The following CEP70 variants were observed in gnomAD, a reference collection of about 807,000 sequenced individuals.
CEP70 encodes the protein centrosomal protein 70.
In CEP70, 70 loss-of-function variants were observed where a neutral mutation model predicts 90.9. The observed-to-expected ratio is 0.77, with a 90% CI of 0.64 to 0.94. CEP70 has a LOEUF of 0.94. Ranked by LOEUF, CEP70 falls within the 40% of genes least tolerant of loss-of-function variation. CEP70 has a pLI of 0.00. For synonymous variants in CEP70, 220 were observed against 228.3 expected (o/e 0.96, Z 0.33); for missense variants, 648 against 669.0 (o/e 0.97, Z 0.35).
chr3:138,499,445 A>G (rs1037371280), intron 16 of CEP70, among the ~76,000 whole-genome samples: 1 of 152,220 alleles, frequency 6.6e-6, no homozygotes, highest in Non-Finnish European at 1.5e-5. Context: ...GAACTTATTG[A>G]TATAATCAGA....
chr3:138,578,236 T>C (rs1398577477), intron 2 of CEP70, among the ~76,000 whole-genome samples: 13 of 152,142 alleles, frequency 8.5e-5, no homozygotes, highest in Admixed American at 8.5e-4. Context: ...GGTGAAAAGT[T>C]ATTCTCACGA....
At chr3:138,544,033 A>C (rs979444555) in intron 6 of CEP70, among the ~76,000 whole-genome samples, 1 of 152,304 alleles carries the variant, frequency 6.6e-6, no homozygotes, top group African/African-American at 2.4e-5. Flanking sequence ...TCATGCCTGT[A>C]ATCTCCACAC....
At chr3:138,518,102 G>C (rs140105795) in intron 11 of CEP70, among the ~76,000 whole-genome samples, 97 of 152,332 alleles carry the variant, frequency 6.4e-4, no homozygotes, top group African/African-American at 2.3e-3. Context: ...AGAAGTCTGA[G>C]ATCAAACTGC....
At position 138,517,854 on chromosome 3, in the gene CEP70, G is replaced by A. The variant is rs186003178; in HGVS notation, c.944+7636C>T. Among the ~76,000 whole-genome samples, 594 of 152,264 alleles carry A rather than the reference G, an allele frequency of 3.9e-3. 3 individuals are homozygous for A. The highest frequency in any genetic ancestry group is 0.014 in the African/African-American group (569 of 41,532). On this transcript the variant is annotated intron_variant, in intron 11 of 17. Coordinates refer to ENST00000264982, the MANE Select transcript of CEP70 (RefSeq NM_024491.4). ...GTGGGTGCAGGACAGTGGGTGCAGC[G>A]CACCGAGCGTGAGCCGAAGCAGGGC...
intron 11 of CEP70, among the ~76,000 whole-genome samples, chr3:138,523,342 C>T (rs918039965): frequency 2.2e-4 from 34 of 152,150 alleles, no homozygotes; most frequent in Non-Finnish European, 3.8e-4. Context: ...TCTCACCACT[C>T]CTATTCAACA....
intron 6 of CEP70, among the ~76,000 whole-genome samples, chr3:138,559,620 G>A (rs2040254391): frequency 6.6e-6 from 1 of 152,150 alleles, no homozygotes; most frequent in African/African-American, 2.4e-5. Context: ...AGCTACTCAG[G>A]TGACTGAGGT....
In CEP70 at chr3:138,515,031, G is replaced by A. The variant is rs554452259; in HGVS notation, c.945-6487C>T. 3.3e-5 allele frequency among the ~76,000 whole-genome samples: 5 copies of A among 152,140 alleles called. No individual in the cohort carries two copies. The East Asian group carries it at 7.7e-4, about 23-fold the overall frequency. Reference sequence around the variant, plus strand: ...TAAAGGACAATAATAAAAGTCACTCGAAAGACCGGAGCCCAAATAAACAAC... The same window carrying A: ...TAAAGGACAATAATAAAAGTCACTCAAAAGACCGGAGCCCAAATAAACAAC... On this transcript the variant is annotated intron_variant, in intron 11 of 17. Coordinates refer to ENST00000264982, the MANE Select transcript of CEP70 (RefSeq NM_024491.4).
intron 6 of CEP70, among the ~76,000 whole-genome samples, chr3:138,551,210 T>C (rs982807164): frequency 3.9e-5 from 6 of 152,234 alleles, no homozygotes; most frequent in Non-Finnish European, 7.3e-5. Context: ...TGGAGCCGTA[T>C]ATTTAGCCTC....
intron 11 of CEP70, among the ~76,000 whole-genome samples, chr3:138,514,886 C>T (rs2035862900): frequency 6.6e-6 from 1 of 152,012 alleles, no homozygotes; most frequent in Non-Finnish European, 1.5e-5. Context: ...ATAACACTCC[C>T]AAATTTGTTT....
chr3:138,528,853 G>C (rs895251040), intron 10 of CEP70, among the ~76,000 whole-genome samples: 1 of 152,110 alleles, frequency 6.6e-6, no homozygotes, highest in Non-Finnish European at 1.5e-5. Context: ...ATAGCCAGCC[G>C]TCGTGGTGTG....
chr3:138,518,738 A>G (rs955650455), intron 11 of CEP70, among the ~76,000 whole-genome samples: 1 of 152,202 alleles, frequency 6.6e-6, no homozygotes, highest in Non-Finnish European at 1.5e-5. Flanking sequence ...GGGAAGAAAC[A>G]GAGCAGAAAA....
At chr3:138,496,749 A>G in intron 17 of CEP70, 1 of 985,226 alleles carries the variant, frequency 1.0e-6, no homozygotes, top group Non-Finnish European at 1.2e-6. Context: ...TCCCAATGTT[A>G]ATGTTTAACA....
chr3:138,505,333 C>T lies in CEP70; in HGVS notation c.1183G>A (p.Val395Ile). The T allele has an allele frequency of 6.2e-7, 1 of 1,611,674 alleles. No homozygotes were observed. Among genetic ancestry groups the T allele is most frequent in the Non-Finnish European group, 8.5e-7 (1 of 1,179,026 alleles). The change falls in exon 13 of 18, where the codon GTA becomes ATA. Residue 395 changes from valine to isoleucine, a missense_variant. By Grantham distance (29) the Val-to-Ile change is conservative. Coordinates refer to ENST00000264982, the MANE Select transcript of CEP70 (RefSeq NM_024491.4). Reference protein sequence around the residue: ...QDCGFEHLVPVIEMWADQLTS... With the variant: ...QDCGFEHLVPIIEMWADQLTS... The stretch of plus-strand genomic sequence containing the variant: ...AGTTGATCTGCCCACATTTCTATTA[C>T]AGGAACAAGATGCTCAAATCCACAA...
chr3:138,494,635 T>C lies in CEP70; in HGVS notation c.*380A>G, dbSNP rs1478699951. On this transcript the variant is annotated 3_prime_UTR_variant, in exon 18 of 18. Coordinates refer to ENST00000264982, the MANE Select transcript of CEP70 (RefSeq NM_024491.4). ...CTACTGGCTAAATTTAGAGAGCCCT[T>C]GGCATTCCTTTTGGTGTGGCTCAAA... 6.2e-6 allele frequency: 1 copy of C among 160,706 alleles called. No individual in the cohort carries two copies. The highest frequency in any genetic ancestry group is 1.3e-5 in the Non-Finnish European group (1 of 74,234). 10.0% of individuals were successfully genotyped at this position (160,706 alleles called of 1,614,324 possible). A position where few individuals can be genotyped will look rare whatever the true frequency, so the allele number is the denominator to read the frequency against.
At chr3:138,580,615 C>T (rs570957662) in intron 2 of CEP70, among the ~76,000 whole-genome samples, 1 of 152,134 alleles carries the variant, frequency 6.6e-6, no homozygotes, top group South Asian at 2.1e-4. Flanking sequence ...TGCCCAGACA[C>T]CAACAAACAT....
chr3:138,557,699 T>A (rs9880928), intron 6 of CEP70, among the ~76,000 whole-genome samples: 1 of 152,026 alleles, frequency 6.6e-6, no homozygotes, highest in Non-Finnish European at 1.5e-5. Context: ...AGACTACAAA[T>A]TGGGTTCAGT....
intron 6 of CEP70, among the ~76,000 whole-genome samples, chr3:138,566,210 A>G (rs2040775655): frequency 6.6e-6 from 1 of 152,160 alleles, no homozygotes; most frequent in Non-Finnish European, 1.5e-5. Context: ...AAATAGGAAC[A>G]CTTTTACACT....
chr3:138,520,869 G>T lies in CEP70; in HGVS notation c.944+4621C>A, dbSNP rs1315151562. On this transcript the variant is annotated intron_variant, in intron 11 of 17. Coordinates refer to ENST00000264982, the MANE Select transcript of CEP70 (RefSeq NM_024491.4). ...CAGTCTCCCTCTGTTGCCAAGGCTG[G>T]ACTGTACTGCCGCGATCTCGGCTCA... Among the ~76,000 whole-genome samples, 3 of 152,098 alleles carry T rather than the reference G, an allele frequency of 2.0e-5. No homozygotes were observed. The East Asian group carries it at 5.8e-4, about 29-fold the overall frequency.
chr3:138,545,641 T>G (rs1440829696), intron 6 of CEP70, among the ~76,000 whole-genome samples: 1 of 151,872 alleles, frequency 6.6e-6, no homozygotes, highest in Non-Finnish European at 1.5e-5. Context: ...AGCCTATAAA[T>G]GGATGTACAA....
Sources: gnomAD v4.1 joint callset for allele counts (sites outside exome capture counted in the v4.1 genomes callset) on GRCh38, gnomAD v4.1.1 for gene constraint, MANE v1.5 for transcripts, NCBI Gene and HGNC (gene_info 2026-07-23, HGNC 2026-07-21) for gene names.